CC2D2B: variants seen among roughly 807,000 people sequenced by gnomAD.
The protein encoded by CC2D2B is protein CC2D2B.
In CC2D2B, 128 loss-of-function variants were observed where a neutral mutation model predicts 161.2. The ratio of observed to expected loss-of-function variants is 0.79; its 90% confidence interval spans 0.69 to 0.92. CC2D2B has a LOEUF of 0.92. CC2D2B is among the 40% of genes least tolerant of loss of function. The pLI, the probability that CC2D2B is intolerant of heterozygous loss-of-function variation, is 0.00. For missense variants in CC2D2B, 1,173 were observed against 1,375.1 expected (o/e 0.85, Z 2.32); for synonymous variants, 391 against 449.8 (o/e 0.87, Z 1.65).
chr10:96,007,788 G>A (rs1202076104), intron 25 of CC2D2B, among the ~76,000 whole-genome samples: 2 of 152,052 alleles, frequency 1.3e-5, no homozygotes, highest in Non-Finnish European at 2.9e-5. Context: ...AAATATAAGT[G>A]GCCAAAAGTG....
intron 34 of CC2D2B, among the ~76,000 whole-genome samples, chr10:96,028,252 T>A (rs2079868947): frequency 6.6e-6 from 1 of 152,046 alleles, no homozygotes; most frequent in Non-Finnish European, 1.5e-5. Context: ...AACCAGAATA[T>A]ATAAGGGGCC....
In CC2D2B at chr10:95,908,037, A is replaced by T. The variant is rs1358586006; in HGVS notation, c.-44A>T. 3 of 152,286 alleles carry T rather than the reference A, an allele frequency of 2.0e-5. No homozygotes were observed. The East Asian group carries it at 5.8e-4, about 29-fold the overall frequency. 9.4% of individuals were successfully genotyped at this position (152,286 alleles called of 1,614,324 possible). ...CCTGCCTTCCCTGCCCAGACGTAAG[A>T]AAAGTGCACTGTCCGTCCAGGTGAA... is the stretch of plus-strand genomic sequence containing the variant. On this transcript the variant is annotated 5_prime_UTR_variant, in exon 1 of 35. Coordinates refer to ENST00000646931, the MANE Select transcript of CC2D2B (RefSeq NM_001349008.3).
intron 10 of CC2D2B, among the ~76,000 whole-genome samples, chr10:95,953,782 A>G (rs982561122): frequency 6.6e-6 from 1 of 152,112 alleles, no homozygotes; most frequent in African/African-American, 2.4e-5. Flanking sequence ...CCTTCTCTTC[A>G]TCTTCAGCAA....
intron 9 of CC2D2B, among the ~76,000 whole-genome samples, chr10:95,941,892 C>A (rs2076035832): frequency 6.6e-6 from 1 of 152,118 alleles, no homozygotes; most frequent in Non-Finnish European, 1.5e-5. Flanking sequence ...TATTTGCATT[C>A]CCATGTTCAT....
Position 95,968,766 on chromosome 10 carries a change from C to T in CC2D2B, c.1509C>T (p.Tyr503=), listed in dbSNP as rs2141474019. ...KRRAKIQKLK[Y]FIKIFYNNKQ... Reference sequence around the variant, plus strand: ...GAGCCAAAATTCAGAAGCTCAAATACTTTATTAAAATATTTTACAACAATA... The same window carrying T: ...GAGCCAAAATTCAGAAGCTCAAATATTTTATTAAAATATTTTACAACAATA... The change falls in exon 15 of 35, where the codon TAC becomes TAT. Residue 503 remains tyrosine, a synonymous_variant. Coordinates refer to ENST00000646931, the MANE Select transcript of CC2D2B (RefSeq NM_001349008.3). The T allele has an allele frequency of 1.7e-6, 2 of 1,210,390 alleles. No homozygotes were observed. Among genetic ancestry groups the T allele is most frequent in the Non-Finnish European group, 2.1e-6 (2 of 968,456 alleles). 75.0% of individuals were successfully genotyped at this position (1,210,390 alleles called of 1,614,324 possible).
At chr10:96,017,707 G>A (rs2079266480) in intron 30 of CC2D2B, among the ~76,000 whole-genome samples, 1 of 152,056 alleles carries the variant, frequency 6.6e-6, no homozygotes, top group Non-Finnish European at 1.5e-5. Flanking sequence ...GAGGAGGGAG[G>A]ATTGCTTGAG....
chr10:95,931,278 T>A (rs988290223), intron 6 of CC2D2B, among the ~76,000 whole-genome samples: 2 of 152,196 alleles, frequency 1.3e-5, no homozygotes, highest in African/African-American at 2.4e-5. Flanking sequence ...TCCTCTCTTT[T>A]CTTCTTTATT....
At chr10:95,934,790 C>T (rs912331031) in intron 6 of CC2D2B, among the ~76,000 whole-genome samples, 3 of 152,194 alleles carry the variant, frequency 2.0e-5, no homozygotes, top group Non-Finnish European at 4.4e-5. Context: ...CGGCCTTCTG[C>T]GTTAGTCTTG....
At chr10:95,994,364 T>TAA (rs1180320032) in intron 22 of CC2D2B, among the ~76,000 whole-genome samples, 3 of 152,174 alleles carry the variant, frequency 2.0e-5, no homozygotes, top group Admixed American at 2.0e-4. Flanking sequence ...TTTAAGACTT[T>TAA]CACTATTTCT....
At chr10:95,974,754 G>T (rs1296905955) in intron 17 of CC2D2B, among the ~76,000 whole-genome samples, 1 of 152,126 alleles carries the variant, frequency 6.6e-6, no homozygotes, top group African/African-American at 2.4e-5. Context: ...AAACGGAAAT[G>T]AAAAGCTTCA....
intron 17 of CC2D2B, among the ~76,000 whole-genome samples, chr10:95,974,836 TA>T (rs908860431): frequency 6.6e-6 from 1 of 152,194 alleles, no homozygotes; most frequent in South Asian, 2.1e-4. Flanking sequence ...CCAGAGGTTC[TA>T]GGGGGAGATA....
In CC2D2B at chr10:95,924,318, A is replaced by C. The variant is rs1443356216; in HGVS notation, c.102A>C (p.Leu34Phe). 1 of 1,496,504 alleles carries C rather than the reference A, an allele frequency of 6.7e-7. No individual in the cohort carries two copies. The allele number at this position is 1,496,504 out of a possible 1,614,324, so 92.7% of individuals were successfully genotyped here. ...ATTATGTTGGTTTCCTGATAGATTTAGATGCAGAAGAAAATCAAAATGTAG... is the reference window on the plus strand; with the variant it reads ...ATTATGTTGGTTTCCTGATAGATTTCGATGCAGAAGAAAATCAAAATGTAG... ...EIIDKHLQKDLDAEENQNVAK... is the reference protein window; with the variant it reads ...EIIDKHLQKDFDAEENQNVAK... Residue 34 changes from leucine (L) to phenylalanine (F), a missense_variant, in exon 4 of 35, where the codon TTA becomes TTC. Transcript: ENST00000646931.
rs60372025 is a variant in CC2D2B at position 95,993,851 on chromosome 10, T to TAGAG, written c.2642+1171_2642+1174dup. Reference sequence around the variant, plus strand: ...TAAAGAGTGTATATATATATATATATAGAGAGAGAGAGAGAGAGAGTGTAT... The same window carrying TAGAG: ...TAAAGAGTGTATATATATATATATATAGAGAGAGAGAGAGAGAGAGAGAGTGTAT... On this transcript the variant is annotated intron_variant, in intron 22 of 34. Transcript: ENST00000646931. 8.3e-3 allele frequency among the ~76,000 whole-genome samples: 815 copies of TAGAG among 98,036 alleles called. 13 individuals are homozygous for TAGAG. The highest frequency in any genetic ancestry group is 0.011 in the Non-Finnish European group (603 of 53,582). The allele number at this position is 98,036 out of a possible 152,430, so 64.3% of individuals were successfully genotyped here.
At chr10:96,031,179 T>C (rs2080051245) in intron 34 of CC2D2B, among the ~76,000 whole-genome samples, 1 of 152,304 alleles carries the variant, frequency 6.6e-6, no homozygotes, top group Admixed American at 6.5e-5. Flanking sequence ...GCAGAGATTA[T>C]GGGTTAGTTA....
chr10:96,016,194 G>T lies in CC2D2B; in HGVS notation c.3517-7G>T. 1 of 1,592,776 alleles carries T rather than the reference G, an allele frequency of 6.3e-7. No individual in the cohort carries two copies. ...TTTTTGTTCCTATTGCTTTTGTTTT[G>T]TCTTAGCACTGCATCAGTTTAGCTA... On this transcript the variant is annotated splice_polypyrimidine_tract_variant and splice_region_variant and intron_variant, in intron 29 of 34. Coordinates refer to ENST00000646931, the MANE Select transcript of CC2D2B (RefSeq NM_001349008.3).
chr10:95,977,759 A>G (rs991466719), intron 17 of CC2D2B, among the ~76,000 whole-genome samples: 3 of 152,230 alleles, frequency 2.0e-5, no homozygotes, highest in African/African-American at 7.2e-5. Context: ...AAGCTGTTAC[A>G]GTACTGCATT....
intron 2 of CC2D2B, among the ~76,000 whole-genome samples, chr10:95,911,690 T>C (rs941078650): frequency 6.6e-6 from 1 of 152,210 alleles, no homozygotes; most frequent in African/African-American, 2.4e-5. Flanking sequence ...ATAGGAGCAA[T>C]ATTTACATGT....
At chr10:95,909,898 A>C (rs908828298) in intron 1 of CC2D2B, among the ~76,000 whole-genome samples, 3 of 152,182 alleles carry the variant, frequency 2.0e-5, no homozygotes, top group Admixed American at 6.5e-5. Context: ...TATAATTCCA[A>C]TGCTTTGAGA....
chr10:95,995,299 A>G lies in CC2D2B; in HGVS notation c.2673A>G (p.Ser891=). The G allele has an allele frequency of 6.5e-7, 1 of 1,531,914 alleles. No individual in the cohort carries two copies. The allele number at this position is 1,531,914 out of a possible 1,614,324, so 94.9% of individuals were successfully genotyped here. A position where few individuals can be genotyped will look rare whatever the true frequency, so the allele number is the denominator to read the frequency against. Residue 891 remains serine, a synonymous_variant, in exon 23 of 35, where the codon TCA becomes TCG. Coordinates refer to ENST00000646931, the MANE Select transcript of CC2D2B (RefSeq NM_001349008.3). The part of the protein sequence containing the change: ...GSLDMPTCLK[S]SISCLRHRET... Reference sequence around the variant, plus strand: ...TGGATATGCCTACTTGTTTGAAATCATCTATATCTTGCCTCAGACATAGAG... The same window carrying G: ...TGGATATGCCTACTTGTTTGAAATCGTCTATATCTTGCCTCAGACATAGAG...
Sources: gnomAD v4.1 joint callset for allele counts (sites outside exome capture counted in the v4.1 genomes callset) on GRCh38, gnomAD v4.1.1 for gene constraint, MANE v1.5 for transcripts, NCBI Gene and HGNC (gene_info 2026-07-23, HGNC 2026-07-21) for gene names.